The following KCTD10 variants were observed in gnomAD, a reference collection of about 807,000 sequenced individuals.
KCTD10 encodes potassium channel tetramerization domain containing 10.
In KCTD10, 13 loss-of-function variants were observed where a neutral mutation model predicts 34.6. The observed-to-expected ratio is 0.38, with a 90% CI of 0.24 to 0.60. KCTD10 has a LOEUF of 0.60. Ranked by LOEUF, KCTD10 falls within the 20% of genes least tolerant of loss-of-function variation. KCTD10 has a pLI of 0.66. For synonymous variants in KCTD10, 156 were observed against 168.8 expected (o/e 0.92, Z 0.59); for missense variants, 256 against 420.3 (o/e 0.61, Z 3.42).
intron 1 of KCTD10, among the ~76,000 whole-genome samples, chr12:109,476,403 G>C (rs186670967): frequency 1.2e-4 from 18 of 152,264 alleles, no homozygotes; most frequent in African/African-American, 3.9e-4. Flanking sequence ...CAAGCAAGTA[G>C]AAAGAAGATC....
chr12:109,453,648 C>T (rs1872884386), intron 6 of KCTD10, among the ~76,000 whole-genome samples: 1 of 152,174 alleles, frequency 6.6e-6, no homozygotes, highest in Non-Finnish European at 1.5e-5. Flanking sequence ...TTTCTATCTT[C>T]ATGCTCCTGG....
chr12:109,453,812 A>G (rs754905537), intron 6 of KCTD10, among the ~76,000 whole-genome samples: 8 of 152,190 alleles, frequency 5.3e-5, no homozygotes, highest in Non-Finnish European at 8.8e-5. Flanking sequence ...GTGAAGTTGT[A>G]TATGAACTCC....
Position 109,451,712 on chromosome 12 carries a change from T to C in KCTD10, c.825A>G (p.Thr275=). 6.2e-7 allele frequency: 1 copy of C among 1,614,054 alleles called. No individual in the cohort carries two copies. Among genetic ancestry groups the C allele is most frequent in the Non-Finnish European group, 8.5e-7 (1 of 1,179,964 alleles). ...RGPDNALLEA[T]GGAAGRSHHL... is the part of the protein sequence containing the mutation. The stretch of plus-strand genomic sequence containing the variant: ...GGTGGGAGCGCCCCGCCGCCCCGCC[T>C]GTGGCCTCCAGGAGCGCATTGTCAG... The change falls in exon 7 of 7, where the codon ACA becomes ACG. Residue 275 remains threonine, a synonymous_variant. Coordinates refer to ENST00000228495, the MANE Select transcript of KCTD10 (RefSeq NM_031954.5). The surrounding 1 kb of genome is among the most constrained non-coding windows in gnomAD (Gnocchi z 5.0).
intron 1 of KCTD10, chr12:109,470,624 C>T (rs774428939): frequency 1.0e-6 from 1 of 983,632 alleles, no homozygotes; most frequent in East Asian, 1.1e-4. Context: ...CACGGCTGGC[C>T]CTACCATTCC....
At chr12:109,454,688 C>T (rs1433813189) in intron 6 of KCTD10, among the ~76,000 whole-genome samples, 1 of 152,198 alleles carries the variant, frequency 6.6e-6, no homozygotes, top group Non-Finnish European at 1.5e-5. Flanking sequence ...ATGATTGTGT[C>T]ACTGTACTCA....
In KCTD10 at chr12:109,469,503, G is replaced by GGGTGAGCTTACCTTCACTGTC; in HGVS notation, c.208_217+11dup. On this transcript the variant is annotated intron_variant, in intron 2 of 6. Coordinates refer to ENST00000228495, the MANE Select transcript of KCTD10 (RefSeq NM_031954.5). Reference sequence around the variant, plus strand: ...GCATGGCCAGAGGCAGGCACATGGTGGGTGAGCTTACCTTCACTGTCGGTG... The same window carrying GGGTGAGCTTACCTTCACTGTC: ...GCATGGCCAGAGGCAGGCACATGGTGGGTGAGCTTACCTTCACTGTCGGTGAGCTTACCTTCACTGTCGGTG... 6.2e-7 allele frequency: 1 copy of GGGTGAGCTTACCTTCACTGTC among 1,612,952 alleles called. No homozygotes were observed. The highest frequency in any genetic ancestry group is 8.5e-7 in the Non-Finnish European group (1 of 1,179,396).
chr12:109,469,434 C>T lies in KCTD10; in HGVS notation c.217+81G>A, dbSNP rs1404285131. 4.6e-6 allele frequency: 7 copies of T among 1,536,184 alleles called. No individual in the cohort carries two copies. The East Asian group carries it at 1.6e-4, about 35-fold the overall frequency. On this transcript the variant is annotated intron_variant, in intron 2 of 6. Transcript: ENST00000228495. ...CCTCCTACACATCTTCAGGTCTCGA[C>T]TTAAATGTCACTTCTTCAGGGAAGC...
Position 109,456,285 on chromosome 12 carries a change from T to C in KCTD10, c.556A>G (p.Ile186Val), listed in dbSNP as rs1873014431. The C allele has an allele frequency of 1.2e-6, 2 of 1,614,168 alleles. No individual in the cohort carries two copies. Among genetic ancestry groups the C allele is most frequent in the Non-Finnish European group, 1.7e-6 (2 of 1,180,036 alleles). Reference sequence around the variant, plus strand: ...AGAGACAGCTTATCAAACAGTTCAATGTTTTTCAACATATTGTCGTCAGAA... The same window carrying C: ...AGAGACAGCTTATCAAACAGTTCAACGTTTTTCAACATATTGTCGTCAGAA... ...SNSDDNMLKNIELFDKLSLRF... is the reference protein window; with the variant it reads ...SNSDDNMLKNVELFDKLSLRF... The change falls in exon 6 of 7, where the codon ATT (isoleucine) becomes GTT (valine). Residue 186 changes from isoleucine (I) to valine (V), a missense_variant. Ile to Val is a conservative substitution (Grantham distance 29). Transcript: ENST00000228495.
chr12:109,465,834 T>C (rs976445227), intron 2 of KCTD10, among the ~76,000 whole-genome samples: 1 of 152,206 alleles, frequency 6.6e-6, no homozygotes, highest in Non-Finnish European at 1.5e-5. Flanking sequence ...CCCAGTTTTC[T>C]AGGGGAATGT....
intron 4 of KCTD10, 83 bp downstream of exon 4, chr12:109,457,909 T>A (rs1008831975): frequency 4.0e-6 from 5 of 1,234,770 alleles, no homozygotes; most frequent in African/African-American, 3.0e-5. Flanking sequence ...CAATTATACA[T>A]GTTTTTATTT....
At chr12:109,464,503 A>C (rs1443527224) in intron 2 of KCTD10, among the ~76,000 whole-genome samples, 8 of 152,180 alleles carry the variant, frequency 5.3e-5, no homozygotes, top group African/African-American at 1.2e-4. Context: ...CAAGGATGTA[A>C]GTGTAAAAAA....
Position 109,469,684 on chromosome 12 carries a change from C to G in KCTD10, c.48G>C (p.Ala16=). 6.2e-7 allele frequency: 1 copy of G among 1,614,194 alleles called. No individual in the cohort carries two copies. Among genetic ancestry groups the G allele is most frequent in the Non-Finnish European group, 8.5e-7 (1 of 1,180,042 alleles). The part of the protein sequence containing the change: ...GESVVSSAVP[A]AATRTTSFKG... ...TGAAGGAAGTGGTGCGGGTAGCAGC[C>G]GCTGGCACCGCTGAGCTCACCACAC... is the stretch of plus-strand genomic sequence containing the variant. The change falls in exon 2 of 7, where the codon GCG becomes GCC. Residue 16 remains alanine (A), a synonymous_variant. Coordinates refer to ENST00000228495, the MANE Select transcript of KCTD10 (RefSeq NM_031954.5).
rs1052060238 is a variant in KCTD10, at chr12:109,450,525, G to A, written c.*1070C>T. 2.0e-4 allele frequency: 78 copies of A among 397,076 alleles called. No individual in the cohort carries two copies. The highest frequency in any genetic ancestry group is 6.2e-4 in the Middle Eastern group (1 of 1,602). The allele number at this position is 397,076 out of a possible 1,614,324, so 24.6% of individuals were successfully genotyped here. ...GTGTAAAAATCAGAGGCAAAGACAA[G>A]GGGGTCTGTGTTTATAGCAGGGAAG... On this transcript the variant is annotated 3_prime_UTR_variant, in exon 7 of 7. Coordinates refer to ENST00000228495, the MANE Select transcript of KCTD10 (RefSeq NM_031954.5).
chr12:109,471,472 T>C (rs781077217), intron 1 of KCTD10: 14 of 964,920 alleles, frequency 1.5e-5, no homozygotes, highest in Non-Finnish European at 1.2e-5. Context: ...CAAGAAAATA[T>C]GTTTTCAAAA....
rs141245326 is a variant in KCTD10 at position 109,466,658 on chromosome 12, G to A, written c.217+2857C>T. 7.7e-4 allele frequency among the ~76,000 whole-genome samples: 117 copies of A among 152,322 alleles called. 3 individuals carry two copies. Among genetic ancestry groups the A allele is most frequent in the Non-Finnish European group, 1.4e-3 (97 of 68,020 alleles). On this transcript the variant is annotated intron_variant, in intron 2 of 6. Coordinates refer to ENST00000228495, the MANE Select transcript of KCTD10 (RefSeq NM_031954.5). ...CAGGTAGAAGGGCCCAGAGCAAAAA[G>A]GAGACTATTCCCCCCATGCTGGATG...
At position 109,463,936 on chromosome 12, in the gene KCTD10, C is replaced by A. The variant is rs78650420; in HGVS notation, c.218-3131G>T. 1.4e-4 allele frequency among the ~76,000 whole-genome samples: 22 copies of A among 152,340 alleles called. 1 individual carries two copies. In the East Asian group the frequency reaches 4.3e-3, roughly 29 times the overall value. ...GAAGCAGAGCAGCAGCGTCCAGAGG[C>A]AGCAAGTTCCAGCCCCCAGGATGGA... On this transcript the variant is annotated intron_variant, in intron 2 of 6. Transcript: ENST00000228495.
intron 2 of KCTD10, among the ~76,000 whole-genome samples, chr12:109,466,055 G>A (rs1261999472): frequency 1.3e-5 from 2 of 152,214 alleles, no homozygotes; most frequent in Non-Finnish European, 2.9e-5. Context: ...GGAGTCAGGT[G>A]AAAATTCTAG....
At chr12:109,468,155 A>T (rs1873685093) in intron 2 of KCTD10, among the ~76,000 whole-genome samples, 1 of 152,144 alleles carries the variant, frequency 6.6e-6, no homozygotes, top group Non-Finnish European at 1.5e-5. Flanking sequence ...GTGAGATGGC[A>T]GCTTTGGGGC....
rs146688900 is a variant in KCTD10, at chr12:109,465,645, A to G, written c.217+3870T>C. The stretch of plus-strand genomic sequence containing the variant: ...CAAAGGGGCCCCACAGGTACAGGTC[A>G]TACTTTATGCCTGGGCTGAGCCTGG... On this transcript the variant is annotated intron_variant, in intron 2 of 6. Transcript: ENST00000228495. 5.0e-3 allele frequency among the ~76,000 whole-genome samples: 755 copies of G among 152,342 alleles called. 4 individuals are homozygous for G. Among genetic ancestry groups the G allele is most frequent in the South Asian group, 0.011 (51 of 4,822 alleles).
Sources: allele counts gnomAD v4.1 joint callset (sites outside exome capture counted in the v4.1 genomes callset), GRCh38; gene constraint gnomAD v4.1.1; non-coding constraint Gnocchi (gnomAD v3.1); transcripts MANE v1.5; gene names NCBI Gene and HGNC (gene_info 2026-07-23, HGNC 2026-07-21).